The following ABHD12 variants were observed in gnomAD, a reference collection of about 807,000 sequenced individuals.
ABHD12 encodes the protein lysophosphatidylserine lipase ABHD12.
ABHD12 carries 43 observed loss-of-function variants against 58.3 expected under a neutral mutation model. That is an observed-to-expected ratio of 0.74 (90% CI 0.58 to 0.95). The LOEUF is 0.95. ABHD12 is among the 40% of genes least tolerant of loss of function. The probability of loss-of-function intolerance (pLI) is 0.00; values close to 1 mark genes in which losing one functional copy is unlikely to be tolerated. For missense variants in ABHD12, 539 were observed against 537.2 expected, an observed-to-expected ratio of 1.00 and a Z score of -0.03; for synonymous variants, 219 against 211.2, an observed-to-expected ratio of 1.04 and a Z score of -0.32.
rs755576851 is a variant in ABHD12, at chr20:25,339,724, G to T, written c.192-373C>A. ...TATCAGGAAAGAGCGGCCTCCTCAGGCCTCCCGATCCGTCTTCTGTGAGAC... is the reference window on the plus strand; with the variant it reads ...TATCAGGAAAGAGCGGCCTCCTCAGTCCTCCCGATCCGTCTTCTGTGAGAC... On this transcript the variant is annotated intron_variant, in intron 1 of 12. Coordinates refer to ENST00000339157, the MANE Select transcript of ABHD12 (RefSeq NM_001042472.3). 5 of 1,358,964 alleles carry T rather than the reference G, an allele frequency of 3.7e-6. No individual in the cohort carries two copies. The African/African-American group carries it at 7.4e-5, about 20-fold the overall frequency. 84.2% of individuals were successfully genotyped at this position (1,358,964 alleles called of 1,614,324 possible). A position where few individuals can be genotyped will look rare whatever the true frequency, so the allele number is the denominator to read the frequency against.
intron 1 of ABHD12, among the ~76,000 whole-genome samples, chr20:25,369,248 T>C (rs1282235633): frequency 1.3e-5 from 2 of 152,222 alleles, no homozygotes; most frequent in Non-Finnish European, 2.9e-5. Context: ...CATCTATCCG[T>C]CTTTAGAGAA....
intron 1 of ABHD12, among the ~76,000 whole-genome samples, chr20:25,343,891 TCCAACA>T (rs2089486256): frequency 6.6e-6 from 1 of 152,088 alleles, no homozygotes; most frequent in African/African-American, 2.4e-5. Flanking sequence ...GCAAAGCAAA[TCCAACA>T]ATGTATAAAA....
intron 1 of ABHD12, among the ~76,000 whole-genome samples, chr20:25,348,754 CAGA>C (rs2146056977): frequency 6.6e-6 from 1 of 152,242 alleles, no homozygotes; most frequent in South Asian, 2.1e-4. Flanking sequence ...CCACTAATCC[CAGA>C]AGGACTGACA....
intron 2 of ABHD12, among the ~76,000 whole-genome samples, chr20:25,327,441 C>T (rs1052963666): frequency 4.0e-5 from 6 of 148,596 alleles, no homozygotes; most frequent in African/African-American, 1.5e-4. Flanking sequence ...CACTTCAGTC[C>T]GGGCGACAGA....
intron 2 of ABHD12, among the ~76,000 whole-genome samples, chr20:25,326,882 T>C (rs1440869604): frequency 6.6e-6 from 1 of 152,202 alleles, no homozygotes; most frequent in African/African-American, 2.4e-5. Context: ...ACTTTTAAAA[T>C]TGGGAATTGC....
chr20:25,322,381 A>ATATATATATATATTTTTTT, intron 3 of ABHD12, among the ~76,000 whole-genome samples: 20 of 59,258 alleles, frequency 3.4e-4, no homozygotes, highest in African/African-American at 6.6e-4. Flanking sequence ...ATATATATAT[A>ATATATATATATATTTTTTT]TTTTTTTTTT....
chr20:25,308,360 G>T, intron 8 of ABHD12, 97 bp downstream of exon 8: 1 of 1,470,702 alleles, frequency 6.8e-7, no homozygotes, highest in Non-Finnish European at 9.3e-7. Flanking sequence ...TGCAGCTCAT[G>T]CTGCTCCATG....
chr20:25,388,784 T>TCC (rs1414477164), intron 1 of ABHD12, among the ~76,000 whole-genome samples: 6 of 106,442 alleles, frequency 5.6e-5, no homozygotes, highest in Non-Finnish European at 3.8e-5. Context: ...AATTTGATTT[T>TCC]TTCTTTTTTT....
rs541117712 is a variant in ABHD12, at chr20:25,336,910, T to G, written c.316+2317A>C. Among the ~76,000 whole-genome samples, 416 of 152,254 alleles carry G rather than the reference T, an allele frequency of 2.7e-3. 3 individuals carry two copies. The highest frequency in any genetic ancestry group is 2.5e-3 in the Non-Finnish European group (171 of 68,016). The stretch of plus-strand genomic sequence containing the variant: ...TGAGGCGAAAGGAATGTCCAATCGC[T>G]GCTCCCAGGGACACTGTTTCTTGGT... On this transcript the variant is annotated intron_variant, in intron 2 of 12. Transcript: ENST00000339157.
At chr20:25,300,186 C>T (rs916209894), downstream of ABHD12, 1 of 992,072 alleles carries the variant, frequency 1.0e-6, no homozygotes, top group Non-Finnish European at 1.2e-6. Flanking sequence ...GCAACATTGA[C>T]CCTTCTCGCG....
At chr20:25,385,153 C>T (rs2090071979) in intron 1 of ABHD12, among the ~76,000 whole-genome samples, 1 of 151,990 alleles carries the variant, frequency 6.6e-6, no homozygotes, top group African/African-American at 2.4e-5. Flanking sequence ...GCCTGACCAA[C>T]ATGGAGAAAC....
rs911558545 is a variant in ABHD12 at position 25,308,041 on chromosome 20, C to T, written c.792G>A (p.Thr264=). 4.4e-6 allele frequency: 7 copies of T among 1,599,606 alleles called. No individual in the cohort carries two copies. Among genetic ancestry groups the T allele is most frequent in the Non-Finnish European group, 5.1e-6 (6 of 1,166,890 alleles). ...NLVRRLCERE[T]PPDALILESP... ...ATTCCAATATAAGGGCATCTGGAGGCGTCTCTAGATAAACAAACAGGGAAC... is the reference window on the plus strand; with the variant it reads ...ATTCCAATATAAGGGCATCTGGAGGTGTCTCTAGATAAACAAACAGGGAAC... Residue 264 remains threonine (T), a synonymous_variant, in exon 9 of 13, where the codon ACG becomes ACA. Coordinates refer to ENST00000339157, the MANE Select transcript of ABHD12 (RefSeq NM_001042472.3).
At chr20:25,324,819 A>G (rs985425739) in intron 2 of ABHD12, among the ~76,000 whole-genome samples, 8 of 152,220 alleles carry the variant, frequency 5.3e-5, no homozygotes, top group Non-Finnish European at 1.2e-4. Flanking sequence ...TTTCCCAGGA[A>G]GCAGATACAT....
At chr20:25,321,464 C>G (rs1033338206) in intron 3 of ABHD12, among the ~76,000 whole-genome samples, 2 of 152,252 alleles carry the variant, frequency 1.3e-5, no homozygotes, top group African/African-American at 4.8e-5. Flanking sequence ...GTGAGCTGGG[C>G]CTGCTGCTGC....
At chr20:25,338,619 A>G (rs760984974) in intron 2 of ABHD12, among the ~76,000 whole-genome samples, 1 of 152,232 alleles carries the variant, frequency 6.6e-6, no homozygotes, top group Non-Finnish European at 1.5e-5. Context: ...ACAAGGTCCA[A>G]GTTCACTCAA....
chr20:25,316,873 G>A (rs1055690747), intron 5 of ABHD12, among the ~76,000 whole-genome samples, 175 bp downstream of exon 5: 6 of 152,218 alleles, frequency 3.9e-5, no homozygotes, highest in Admixed American at 6.5e-5. Context: ...GCTGCAGTGC[G>A]CTGTGACTGT....
intron 8 of ABHD12, 41 bp downstream of exon 8, chr20:25,308,416 G>C: frequency 6.2e-7 from 1 of 1,603,502 alleles, no homozygotes; most frequent in Non-Finnish European, 8.5e-7. Context: ...GGAGCACCCT[G>C]AATGCTCACT....
rs962914424 is a variant in ABHD12, at chr20:25,390,753, C to A, written c.-50G>T. Reference sequence around the variant, plus strand: ...CGACGGCGCCCGCTGGCCTGCGCCGCAGTGCCGCCGCTCACAGCCGCCGCC... The same window carrying A: ...CGACGGCGCCCGCTGGCCTGCGCCGAAGTGCCGCCGCTCACAGCCGCCGCC... On this transcript the variant is annotated 5_prime_UTR_variant, in exon 1 of 13. Transcript: ENST00000339157. 1.6e-5 allele frequency: 20 copies of A among 1,217,864 alleles called. No homozygotes were observed. The African/African-American group carries it at 2.7e-4, about 17-fold the overall frequency. 75.4% of individuals were successfully genotyped at this position (1,217,864 alleles called of 1,614,324 possible).
intron 2 of ABHD12, chr20:25,339,020 A>C: frequency 7.4e-7 from 1 of 1,350,586 alleles, no homozygotes; most frequent in Non-Finnish European, 9.6e-7. Flanking sequence ...TGGGTAATAA[A>C]AGCATTCTAG....
Sources: gnomAD v4.1 joint callset for allele counts (sites outside exome capture counted in the v4.1 genomes callset) on GRCh38, gnomAD v4.1.1 for gene constraint, MANE v1.5 for transcripts, NCBI Gene and HGNC (gene_info 2026-07-23, HGNC 2026-07-21) for gene names.